The following LRGUK variants were observed in gnomAD, a reference collection of about 807,000 sequenced individuals.
LRGUK encodes leucine-rich repeat and guanylate kinase domain-containing protein.
A neutral mutation model predicts 76.0 loss-of-function variants in LRGUK; 65 were observed. That is an observed-to-expected ratio of 0.85 (90% CI 0.70 to 1.05). The LOEUF is 1.05. Among genes scored for constraint, LRGUK ranks in the 50% least tolerant of loss-of-function variants. LRGUK has a pLI of 0.00. For synonymous variants in LRGUK, 268 were observed against 265.6 expected, an observed-to-expected ratio of 1.01 and a Z score of -0.09; for missense variants, 758 against 732.8, an observed-to-expected ratio of 1.03 and a Z score of -0.40.
At chr7:134,175,720 A>G (rs557805234) in intron 8 of LRGUK, among the ~76,000 whole-genome samples, 112 of 152,320 alleles carry the variant, frequency 7.4e-4, no homozygotes, top group Non-Finnish European at 1.3e-3. Flanking sequence ...TTACTTTTGC[A>G]CCAACCTAAT....
At chr7:134,244,244 C>G (rs974800505) in intron 16 of LRGUK, among the ~76,000 whole-genome samples, 1 of 152,126 alleles carries the variant, frequency 6.6e-6, no homozygotes, top group Non-Finnish European at 1.5e-5. Flanking sequence ...GCAAAAGAAA[C>G]TACCATCATA....
intron 1 of LRGUK, among the ~76,000 whole-genome samples, chr7:134,131,223 A>G (rs1312206542): frequency 1.3e-5 from 2 of 152,230 alleles, no homozygotes; most frequent in African/African-American, 2.4e-5. Flanking sequence ...AAATTTAATA[A>G]GAAACTCTAT....
chr7:134,251,822 T>G (rs1232318921), intron 18 of LRGUK, among the ~76,000 whole-genome samples: 2 of 152,182 alleles, frequency 1.3e-5, no homozygotes, highest in Non-Finnish European at 2.9e-5. Flanking sequence ...AGTCTAGGTA[T>G]AAATCTAAAG....
At chr7:134,223,777 GCTTTTTTCTTTTA>G (rs928343990) in intron 16 of LRGUK, among the ~76,000 whole-genome samples, 13 of 152,220 alleles carry the variant, frequency 8.5e-5, no homozygotes, top group African/African-American at 2.4e-4. Context: ...ACTATTAGTA[GCTTTTTTCTTTTA>G]CTTTTTTCTT....
chr7:134,162,030 G>A (rs1055984224), intron 6 of LRGUK, among the ~76,000 whole-genome samples: 6 of 152,156 alleles, frequency 3.9e-5, no homozygotes, highest in African/African-American at 1.4e-4. Flanking sequence ...GATTGAGGAA[G>A]AAGACAACAT....
At chr7:134,127,413 C>G in exon 1 of LRGUK, 1 of 1,613,952 alleles carries the variant, frequency 6.2e-7, no homozygotes, top group Non-Finnish European at 8.5e-7. Flanking sequence ...AGCTGCCTCT[C>G]TCCTGAGAGG....
chr7:134,233,309 C>T (rs1801944277), intron 16 of LRGUK, among the ~76,000 whole-genome samples: 1 of 152,186 alleles, frequency 6.6e-6, no homozygotes, highest in African/African-American at 2.4e-5. Context: ...AGAAGCTTGA[C>T]TTCCTTTACC....
chr7:134,194,968 C>T (rs1471512388), intron 12 of LRGUK, among the ~76,000 whole-genome samples: 1 of 152,138 alleles, frequency 6.6e-6, no homozygotes, highest in Non-Finnish European at 1.5e-5. Flanking sequence ...AAATCAATCA[C>T]CCTGAGCATT....
chr7:134,247,308 A>AT (rs759529458), intron 16 of LRGUK, among the ~76,000 whole-genome samples: 1 of 152,182 alleles, frequency 6.6e-6, no homozygotes, highest in African/African-American at 2.4e-5. Flanking sequence ...AAATTGCCAT[A>AT]TTATTATTTA....
chr7:134,238,548 GT>G (rs1585590371), intron 16 of LRGUK, among the ~76,000 whole-genome samples: 1 of 151,828 alleles, frequency 6.6e-6, no homozygotes, highest in African/African-American at 2.4e-5. Flanking sequence ...TCTGAGGTGG[GT>G]TTTTTTGTTT....
chr7:134,245,712 A>G (rs1338231941), intron 16 of LRGUK, among the ~76,000 whole-genome samples: 2 of 152,210 alleles, frequency 1.3e-5, no homozygotes, highest in Non-Finnish European at 2.9e-5. Context: ...TAAGGGCGGT[A>G]TACAATGAAA....
chr7:134,205,671 C>G (rs962549224), intron 15 of LRGUK, among the ~76,000 whole-genome samples: 2 of 152,162 alleles, frequency 1.3e-5, no homozygotes, highest in African/African-American at 2.4e-5. Context: ...GGAAACTGGA[C>G]TGGAAATATG....
chr7:134,138,181 C>T (rs2116827245), intron 2 of LRGUK, among the ~76,000 whole-genome samples: 1 of 152,354 alleles, frequency 6.6e-6, no homozygotes, highest in South Asian at 2.1e-4. Flanking sequence ...CATCCCCACA[C>T]AAGCCCCTTT....
chr7:134,222,610 G>GTTT (rs1300015042), intron 16 of LRGUK, among the ~76,000 whole-genome samples: 94 of 150,704 alleles, frequency 6.2e-4, no homozygotes, highest in African/African-American at 2.2e-3. Context: ...TTTTGTTTTT[G>GTTT]TTTTGTTTTT....
At chr7:134,249,455 T>G (rs1802392576) in intron 18 of LRGUK, among the ~76,000 whole-genome samples, 2 of 152,214 alleles carry the variant, frequency 1.3e-5, no homozygotes, top group African/African-American at 4.8e-5. Flanking sequence ...GGCTGTGTTC[T>G]TGGTTCCTAG....
chr7:134,183,333 G>C (rs1175196992), intron 10 of LRGUK, among the ~76,000 whole-genome samples: 1 of 152,174 alleles, frequency 6.6e-6, no homozygotes, highest in Non-Finnish European at 1.5e-5. Flanking sequence ...TTACTGTTAA[G>C]TTGGCTTTGC....
chr7:134,184,050 T>G (rs756179046), intron 11 of LRGUK, among the ~76,000 whole-genome samples, 197 bp downstream of exon 11: 20 of 152,232 alleles, frequency 1.3e-4, no homozygotes, highest in Admixed American at 1.3e-3. Context: ...GAATGTTCAA[T>G]AGATATTAAC....
intron 19 of LRGUK, among the ~76,000 whole-genome samples, chr7:134,259,602 A>G (rs533439457): frequency 2.8e-4 from 43 of 152,310 alleles, no homozygotes; most frequent in African/African-American, 9.9e-4. Flanking sequence ...CTTCTAAGCA[A>G]TGTGAGGGTG....
chr7:134,152,480 C>T (rs28729293), intron 5 of LRGUK, among the ~76,000 whole-genome samples: 18,681 of 151,890 alleles, frequency 0.12, 1,443 homozygotes, highest in East Asian at 0.33. Context: ...AATAAACATA[C>T]GAAGAGATAC....
Sources: allele counts gnomAD v4.1 joint callset (sites outside exome capture counted in the v4.1 genomes callset), GRCh38; gene constraint gnomAD v4.1.1; transcripts MANE v1.5; gene names NCBI Gene and HGNC (gene_info 2026-07-23, HGNC 2026-07-21).